TRAPPC9: variants seen among roughly 807,000 people sequenced by gnomAD.
The protein encoded by TRAPPC9 is IKK2 binding protein.
TRAPPC9 carries 83 observed loss-of-function variants against 124.0 expected under a neutral mutation model. The observed-to-expected ratio is 0.67, with a 90% CI of 0.56 to 0.80. The LOEUF (loss-of-function observed/expected upper bound fraction) is 0.80, where lower values mean the gene tolerates loss of function less well. Ranked by LOEUF, TRAPPC9 falls within the 30% of genes least tolerant of loss-of-function variation. The pLI is 0.00. For missense variants in TRAPPC9, 1,302 were observed against 1,508.3 expected (o/e 0.86, Z 2.27); for synonymous variants, 638 against 617.5 (o/e 1.03, Z -0.49).
intron 21 of TRAPPC9, among the ~76,000 whole-genome samples, chr8:139,744,462 C>T (rs1411885082): frequency 6.6e-6 from 1 of 152,142 alleles, no homozygotes; most frequent in Non-Finnish European, 1.5e-5. Flanking sequence ...GGCTGGGTGA[C>T]AGAGACGGAA....
At chr8:140,335,193 T>C (rs2067001697) in intron 9 of TRAPPC9, among the ~76,000 whole-genome samples, 1 of 152,054 alleles carries the variant, frequency 6.6e-6, no homozygotes, top group African/African-American at 2.4e-5. Context: ...TTAGCTTGCA[T>C]TCTAAGGAGG....
chr8:139,999,668 C>A (rs1348378813), intron 18 of TRAPPC9, among the ~76,000 whole-genome samples: 1 of 151,700 alleles, frequency 6.6e-6, no homozygotes, highest in Non-Finnish European at 1.5e-5. Context: ...CATTCTAGGC[C>A]ACAGAAAAAA....
intron 19 of TRAPPC9, among the ~76,000 whole-genome samples, chr8:139,956,351 CG>C (rs1834983777): frequency 6.6e-6 from 1 of 152,038 alleles, no homozygotes; most frequent in East Asian, 1.9e-4. Flanking sequence ...TTAGTAGAGA[CG>C]GGGTTTCACT....
At chr8:140,015,591 C>T (rs1563690900) in intron 18 of TRAPPC9, among the ~76,000 whole-genome samples, 1 of 151,894 alleles carries the variant, frequency 6.6e-6, no homozygotes, top group Non-Finnish European at 1.5e-5. Flanking sequence ...AGTTAAGAGT[C>T]CAGCCTGGGC....
At chr8:140,336,178 C>T (rs1034480941) in intron 9 of TRAPPC9, among the ~76,000 whole-genome samples, 1 of 152,136 alleles carries the variant, frequency 6.6e-6, no homozygotes, top group Non-Finnish European at 1.5e-5. Flanking sequence ...CATGATGAAG[C>T]ATACTTGTGT....
intron 16 of TRAPPC9, among the ~76,000 whole-genome samples, chr8:140,249,026 G>A (rs1588010082): frequency 1.3e-5 from 2 of 148,930 alleles, no homozygotes; most frequent in South Asian, 4.3e-4. Context: ...ACTTTTTTTT[G>A]TAATTTCAAC....
chr8:139,962,316 C>T (rs74221322), intron 19 of TRAPPC9, among the ~76,000 whole-genome samples: 98,097 of 122,996 alleles, frequency 0.8, 44,300 homozygotes, highest in East Asian at 0.98. Flanking sequence ...GTGTCTGTAA[C>T]ATATCACATG....
chr8:140,311,917 C>T (rs1210648174), intron 9 of TRAPPC9, among the ~76,000 whole-genome samples: 3 of 152,180 alleles, frequency 2.0e-5, no homozygotes, highest in Admixed American at 6.5e-5. Context: ...GAAAAGAGGA[C>T]ACAGGTGATA....
chr8:139,731,942 C>T (rs1406206265), intron 22 of TRAPPC9, 37 bp downstream of exon 22: 2 of 1,543,832 alleles, frequency 1.3e-6, no homozygotes, highest in East Asian at 4.9e-5. Flanking sequence ...ACCACATGGC[C>T]AGAGGCTCCC....
At chr8:140,014,121 C>G (rs116844981) in intron 18 of TRAPPC9, among the ~76,000 whole-genome samples, 1 of 152,182 alleles carries the variant, frequency 6.6e-6, no homozygotes, top group Non-Finnish European at 1.5e-5. Flanking sequence ...ACGAAGGCCT[C>G]GGTGGCAGGG....
intron 13 of TRAPPC9, among the ~76,000 whole-genome samples, chr8:140,286,149 C>T (rs527402167): frequency 2.6e-5 from 4 of 152,332 alleles, no homozygotes; most frequent in Non-Finnish European, 4.4e-5. Flanking sequence ...GCCCAGGAGC[C>T]GGCCAGGGTG....
At chr8:140,356,193 A>G (rs1461633920) in intron 9 of TRAPPC9, among the ~76,000 whole-genome samples, 1 of 152,198 alleles carries the variant, frequency 6.6e-6, no homozygotes, top group Non-Finnish European at 1.5e-5. Flanking sequence ...TGCTATTAAT[A>G]AAAAAAGAAA....
intron 21 of TRAPPC9, among the ~76,000 whole-genome samples, chr8:139,834,353 CAT>C (rs1826187021): frequency 6.6e-6 from 1 of 152,220 alleles, no homozygotes; most frequent in African/African-American, 2.4e-5. Flanking sequence ...CTCCACGGAC[CAT>C]AGAGGGCTGT....
intron 21 of TRAPPC9, among the ~76,000 whole-genome samples, chr8:139,865,148 G>A (rs1828439491): frequency 6.6e-6 from 1 of 152,196 alleles, no homozygotes; most frequent in African/African-American, 2.4e-5. Flanking sequence ...AACTAAGGCT[G>A]TCCCCATGGG....
At chr8:140,395,220 G>C (rs967203852) in intron 7 of TRAPPC9, among the ~76,000 whole-genome samples, 6 of 152,170 alleles carry the variant, frequency 3.9e-5, no homozygotes, top group African/African-American at 1.4e-4. Flanking sequence ...AGCTTTGAGG[G>C]ACTGTGGTGT....
In TRAPPC9 at chr8:140,046,198, G is replaced by A. The variant is rs567463600; in HGVS notation, c.2557-22119C>T. Among the ~76,000 whole-genome samples, 4 of 152,346 alleles carry A rather than the reference G, an allele frequency of 2.6e-5. No individual in the cohort carries two copies. In the East Asian group the frequency reaches 5.8e-4, roughly 22 times the overall value. The stretch of plus-strand genomic sequence containing the variant: ...GCCGCTCTCCGGTGGTGCTTGGCAC[G>A]GTCCACGGTGCAATAGAGCTCTTCC... On this transcript the variant is annotated intron_variant, in intron 17 of 22. Transcript: ENST00000438773.
chr8:140,003,955 T>G (rs2169410), intron 18 of TRAPPC9, among the ~76,000 whole-genome samples: 1 of 152,208 alleles, frequency 6.6e-6, no homozygotes, highest in Non-Finnish European at 1.5e-5. Context: ...AAATGTCCTT[T>G]AAACAGTGAA....
In TRAPPC9 at chr8:140,195,752, T is replaced by C. The variant is rs562580896; in HGVS notation, c.2556+25707A>G. On this transcript the variant is annotated intron_variant, in intron 17 of 22. Transcript: ENST00000438773. ...GACACTAAAACACTCAGCAATCCAC[T>C]GTACAGCTCGCACCTGTGACACTAA... Among the ~76,000 whole-genome samples, 13 of 147,386 alleles carry C rather than the reference T, an allele frequency of 8.8e-5. No individual in the cohort carries two copies. In the South Asian group the frequency reaches 2.4e-3, roughly 27 times the overall value.
chr8:139,843,955 C>T (rs4736104), intron 21 of TRAPPC9, among the ~76,000 whole-genome samples: 5,710 of 152,330 alleles, frequency 0.037, 265 homozygotes, highest in East Asian at 0.2. Context: ...GCCCTCACTC[C>T]CCATACAGTG....
Sources: allele counts gnomAD v4.1 joint callset (sites outside exome capture counted in the v4.1 genomes callset), GRCh38; gene constraint gnomAD v4.1.1; transcripts MANE v1.5; gene names NCBI Gene and HGNC (gene_info 2026-07-23, HGNC 2026-07-21).